The following HTT variants were observed in gnomAD, a reference collection of about 807,000 sequenced individuals.
The protein encoded by HTT is huntington disease protein.
In HTT, 104 loss-of-function variants were observed where a neutral mutation model predicts 362.3. The ratio of observed to expected loss-of-function variants is 0.29; its 90% confidence interval spans 0.24 to 0.34. HTT has a LOEUF of 0.34. HTT is among the 10% of genes least tolerant of loss of function. The pLI is 1.00. For missense variants in HTT, 3,301 were observed against 3,928.6 expected (o/e 0.84, Z 4.27); for synonymous variants, 1,577 against 1,548.7 (o/e 1.02, Z -0.43).
At position 3,203,999 on chromosome 4, in the gene HTT, C is replaced by G. The variant is rs1269639106; in HGVS notation, c.5577-8C>G. 6.2e-7 allele frequency: 1 copy of G among 1,613,516 alleles called. No individual in the cohort carries two copies. Among genetic ancestry groups the G allele is most frequent in the Non-Finnish European group, 8.5e-7 (1 of 1,179,482 alleles). On this transcript the variant is annotated splice_polypyrimidine_tract_variant and splice_region_variant and intron_variant, in intron 41 of 66. Coordinates refer to ENST00000355072, the MANE Select transcript of HTT (RefSeq NM_001388492.1). Reference sequence around the variant, plus strand: ...AAACATTGTCAATGCATCTGTTGCTCCTTCTAGAAGACACAGTCTGTCCAG... The same window carrying G: ...AAACATTGTCAATGCATCTGTTGCTGCTTCTAGAAGACACAGTCTGTCCAG...
chr4:3,238,828 C>T lies in HTT; in HGVS notation c.9065C>T (p.Thr3022Ile). ...GCTTGCTCCTTGCAGGTGTTTCAGA[C>T]TCTGCACAGCACCGGGCAGTCGTCC... ...MATVVYKVFQ[T>I]LHSTGQSSMV... The change falls in exon 66 of 67, where the codon ACT becomes ATT. Residue 3022 changes from threonine to isoleucine, a missense_variant. This residue lies in a region of HTT where 753 missense variants were observed against 1,021.3 expected (regional missense o/e 0.74). Transcript: ENST00000355072. The T allele has an allele frequency of 6.3e-7, 1 of 1,599,228 alleles. No individual in the cohort carries two copies.
At chr4:3,224,366 G>T (rs186455717) in intron 56 of HTT, among the ~76,000 whole-genome samples, 1 of 152,206 alleles carries the variant, frequency 6.6e-6, no homozygotes, top group Non-Finnish European at 1.5e-5. Flanking sequence ...AATGAGAAGC[G>T]AAAGAATTCT....
At chr4:3,174,903 G>A (rs752372797) in intron 32 of HTT, 43 bp from the exon 33 acceptor site, 6 of 1,550,192 alleles carry the variant, frequency 3.9e-6, no homozygotes, top group South Asian at 2.3e-5. Context: ...TTTAGTTGAA[G>A]GCTTACTTAT....
chr4:3,153,795 G>A (rs1182812711), intron 26 of HTT, among the ~76,000 whole-genome samples: 1 of 152,102 alleles, frequency 6.6e-6, no homozygotes. Flanking sequence ...GATGTGGCGT[G>A]TGCCTGTGGT....
chr4:3,145,021 T>A, intron 23 of HTT, 131 bp from the exon 24 acceptor site: 1 of 728,002 alleles, frequency 1.4e-6, no homozygotes, highest in South Asian at 1.6e-5. Flanking sequence ...GGGACAGATA[T>A]CCTGTGGTTA....
At position 3,217,902 on chromosome 4, in the gene HTT, A is replaced by G. The variant is rs773939887; in HGVS notation, c.7192A>G (p.Ser2398Gly). Reference protein sequence around the residue: ...LTPLLRNIIISLARLPLVNSY... With the variant: ...LTPLLRNIIIGLARLPLVNSY... The stretch of plus-strand genomic sequence containing the variant: ...GCCATTGCTAAGGAACATCATCATC[A>G]GCCTGGCCCGCCTGCCCCTTGTCAA... Residue 2398 changes from serine to glycine, a missense_variant, in exon 52 of 67, where the codon AGC becomes GGC. By Grantham distance (56) the Ser-to-Gly change is moderately conservative (BLOSUM62 0). This residue lies in a region of HTT where 753 missense variants were observed against 1,021.3 expected (regional missense o/e 0.74). Transcript: ENST00000355072. 2 of 1,613,942 alleles carry G rather than the reference A, an allele frequency of 1.2e-6. No individual in the cohort carries two copies. The highest frequency in any genetic ancestry group is 1.7e-6 in the Non-Finnish European group (2 of 1,179,938).
chr4:3,121,482 A>G (rs1715294399), intron 9 of HTT, 50 bp downstream of exon 9: 4 of 1,272,536 alleles, frequency 3.1e-6, no homozygotes, highest in Non-Finnish European at 4.6e-6. Flanking sequence ...CAGTAATACT[A>G]GTTACACTCT....
At chr4:3,162,462 A>G (rs889994927) in intron 29 of HTT, among the ~76,000 whole-genome samples, 2 of 152,250 alleles carry the variant, frequency 1.3e-5, no homozygotes, top group Non-Finnish European at 2.9e-5. Flanking sequence ...CTGTGAAGAA[A>G]GTCAGTGATA....
At chr4:3,145,065 T>G in intron 23 of HTT, 87 bp from the exon 24 acceptor site, 3 of 1,001,288 alleles carry the variant, frequency 3.0e-6, no homozygotes, top group Non-Finnish European at 1.6e-6. Flanking sequence ...TCTCATTGTT[T>G]GTACTTTTTA....
rs202200144 is a variant in HTT, at chr4:3,175,128, A to T, written c.4407+21A>T. The T allele has an allele frequency of 3.1e-6, 5 of 1,603,156 alleles. No individual in the cohort carries two copies. In the East Asian group the frequency reaches 1.1e-4, roughly 36 times the overall value. ...ATCAGGTTTGTCACTTTTATCTTTC[A>T]TCCATCATACCTGTTCCTAATTTAG... On this transcript the variant is annotated intron_variant, in intron 33 of 66. Transcript: ENST00000355072.
Position 3,199,925 on chromosome 4 carries a change from G to T in HTT, c.5562G>T (p.Val1854=). Reference sequence around the variant, plus strand: ...CCGACTACCGCTGGTGGGCAGAAGTGCAGCAGACCCCGAAGTAGGTTCATA... The same window carrying T: ...CCGACTACCGCTGGTGGGCAGAAGTTCAGCAGACCCCGAAGTAGGTTCATA... The part of the protein sequence containing the change: ...NHTDYRWWAE[V]QQTPKRHSLS... Residue 1854 remains valine, a synonymous_variant, in exon 41 of 67, where the codon GTG becomes GTT. Transcript: ENST00000355072. 6.2e-7 allele frequency: 1 copy of T among 1,613,642 alleles called. No homozygotes were observed. Among genetic ancestry groups the T allele is most frequent in the East Asian group, 2.2e-5 (1 of 44,868 alleles).
At chr4:3,166,088 G>A (rs1717688578) in intron 29 of HTT, among the ~76,000 whole-genome samples, 1 of 152,144 alleles carries the variant, frequency 6.6e-6, no homozygotes, top group African/African-American at 2.4e-5. Flanking sequence ...CCTACGGATG[G>A]GGTTTTGGTG....
chr4:3,239,185 G>A (rs1364396392), intron 66 of HTT, among the ~76,000 whole-genome samples: 1 of 152,322 alleles, frequency 6.6e-6, no homozygotes, highest in East Asian at 1.9e-4. Flanking sequence ...TCTCAGAGGG[G>A]CCGGTGTATG....
chr4:3,104,013 CATA>C, intron 4 of HTT, 130 bp downstream of exon 4: 1 of 588,176 alleles, frequency 1.7e-6, no homozygotes, highest in Admixed American at 2.9e-5. Flanking sequence ...GTATACAATA[CATA>C]ATAATCACAC....
At chr4:3,178,248 A>G in intron 34 of HTT, 50 bp from the exon 35 acceptor site, 4 of 1,308,848 alleles carry the variant, frequency 3.1e-6, no homozygotes, top group Non-Finnish European at 4.4e-6. Context: ...TTATATTGAT[A>G]TGTATCTTAA....
At chr4:3,095,781 T>G (rs1299124442) in intron 2 of HTT, among the ~76,000 whole-genome samples, 1 of 151,688 alleles carries the variant, frequency 6.6e-6, no homozygotes, top group African/African-American at 2.4e-5. Flanking sequence ...TTATAGCTAA[T>G]GAACCAAAAA....
chr4:3,205,558 A>AT lies in HTT; in HGVS notation c.5719-938_5719-937insT, dbSNP rs1578587017. Among the ~76,000 whole-genome samples, 4 of 152,342 alleles carry AT rather than the reference A, an allele frequency of 2.6e-5. No individual in the cohort carries two copies. The East Asian group carries it at 7.7e-4, about 29-fold the overall frequency. On this transcript the variant is annotated intron_variant, in intron 42 of 66. Transcript: ENST00000355072. ...AAAGATACTAATTTTATAAGTTAAT[A>AT]AAGTTTGATCATCCCAAATCCAAAA...
At chr4:3,101,614 A>T (rs1714161836) in intron 3 of HTT, among the ~76,000 whole-genome samples, 1 of 152,212 alleles carries the variant, frequency 6.6e-6, no homozygotes, top group Non-Finnish European at 1.5e-5. Context: ...CTGTGTGTGT[A>T]TGGTGAAAAC....
intron 2 of HTT, among the ~76,000 whole-genome samples, chr4:3,088,440 C>T (rs1157884395): frequency 6.6e-6 from 1 of 152,132 alleles, no homozygotes; most frequent in Non-Finnish European, 1.5e-5. Context: ...TCCCAAAGTG[C>T]TGGGATTACA....
Sources: allele counts gnomAD v4.1 joint callset (sites outside exome capture counted in the v4.1 genomes callset), GRCh38; gene constraint gnomAD v4.1.1; regional missense constraint gnomAD v4.1.1; transcripts MANE v1.5; gene names NCBI Gene and HGNC (gene_info 2026-07-23, HGNC 2026-07-21).